The following VWA3A variants were observed in gnomAD, a reference collection of about 807,000 sequenced individuals.
VWA3A encodes the protein von Willebrand factor A domain containing 3A.
Under a neutral mutation model 160.4 loss-of-function variants are expected in VWA3A, and 134 were observed. The ratio of observed to expected loss-of-function variants is 0.84; its 90% CI spans 0.73 to 0.96. The LOEUF is 0.96. Among genes scored for constraint, VWA3A ranks in the 40% least tolerant of loss-of-function variants. The pLI is 0.00. For missense variants in VWA3A, 1,310 were observed against 1,447.9 expected (o/e 0.90, Z 1.55); for synonymous variants, 476 against 543.4 (o/e 0.88, Z 1.72).
At chr16:22,154,520 G>C (rs941290690) in intron 31 of VWA3A, among the ~76,000 whole-genome samples, 4 of 151,156 alleles carry the variant, frequency 2.6e-5, no homozygotes, top group Admixed American at 2.0e-4. Context: ...GTAGAGATGA[G>C]GTTTCATCAT....
At position 22,096,963 on chromosome 16, in the gene VWA3A, ATTTTTTT is replaced by A. The variant is rs397754746; in HGVS notation, c.101+32_101+38del. On this transcript the variant is annotated intron_variant, in intron 2 of 33. Transcript: ENST00000389398. ...AACCATTGGTAAGCATAGTTCTCTGATTTTTTTTTTTTTTTTTTTTGAGGCAGATTCT... is the reference window on the plus strand; with the variant it reads ...AACCATTGGTAAGCATAGTTCTCTGATTTTTTTTTTTTTGAGGCAGATTCT... 9 of 1,079,456 alleles carry A rather than the reference ATTTTTTT, an allele frequency of 8.3e-6. No individual in the cohort carries two copies. The highest frequency in any genetic ancestry group is 1.8e-5 in the African/African-American group (1 of 54,434). 66.9% of individuals were successfully genotyped at this position (1,079,456 alleles called of 1,614,324 possible).
At chr16:22,123,345 A>G in intron 15 of VWA3A, 180 bp downstream of exon 15, 1 of 1,222,574 alleles carries the variant, frequency 8.2e-7, no homozygotes, top group Non-Finnish European at 1.1e-6. Context: ...CAGGGACCTC[A>G]ATGCCTTTAA....
At chr16:22,139,304 G>A (rs917684514) in intron 22 of VWA3A, among the ~76,000 whole-genome samples, 1 of 152,132 alleles carries the variant, frequency 6.6e-6, no homozygotes, top group Non-Finnish European at 1.5e-5. Flanking sequence ...CTTCCTGAGT[G>A]CCTCCTGAAA....
rs893631094 is a variant in VWA3A at position 22,149,720 on chromosome 16, A to G, written c.2985-67A>G. On this transcript the variant is annotated intron_variant, in intron 28 of 33. Transcript: ENST00000389398. ...TAACTTATCTGAATTCAATCTAGAC[A>G]GGCCTGTTCTAACCAATCTCTTTCT... The G allele has an allele frequency of 4.7e-6, 7 of 1,494,574 alleles. No homozygotes were observed. In the African/African-American group the frequency reaches 9.8e-5, roughly 21 times the overall value. The allele number at this position is 1,494,574 out of a possible 1,614,324, so 92.6% of individuals were successfully genotyped here.
chr16:22,124,540 T>C (rs1443263268), intron 16 of VWA3A, among the ~76,000 whole-genome samples: 19 of 117,334 alleles, frequency 1.6e-4, no homozygotes, highest in Non-Finnish European at 2.8e-4. Flanking sequence ...CTATTATTAT[T>C]ATTATTATTA....
Position 22,117,119 on chromosome 16 carries a change from G to A in VWA3A, c.933G>A (p.Leu311=), listed in dbSNP as rs190993595. The A allele has an allele frequency of 3.2e-4, 512 of 1,581,902 alleles. 2 individuals carry two copies. The highest frequency in any genetic ancestry group is 3.9e-4 in the Non-Finnish European group (457 of 1,163,712). The change falls in exon 11 of 34, where the codon CTG becomes CTA. Residue 311 remains leucine, a synonymous_variant. Transcript: ENST00000389398. ...RCDDQMPPAV[L]KNLAEAVRGY... is the part of the protein sequence containing the mutation. The stretch of plus-strand genomic sequence containing the variant: ...TGGCCTCATCCCTGCAGGCTGTCCT[G>A]AAGAACCTTGCAGAAGCTGTTAGGG...
At chr16:22,140,113 A>G in intron 22 of VWA3A, 41 bp from the exon 23 acceptor site, 1 of 1,591,894 alleles carries the variant, frequency 6.3e-7, no homozygotes, top group Non-Finnish European at 8.6e-7. Flanking sequence ...TGCGTGACAC[A>G]GGGAACACTC....
In VWA3A at chr16:22,142,608, G is replaced by A. The variant is rs2046171475; in HGVS notation, c.2495-60G>A. The A allele has an allele frequency of 6.1e-6, 8 of 1,320,604 alleles. No homozygotes were observed. The South Asian group carries it at 8.9e-5, about 15-fold the overall frequency. The allele number at this position is 1,320,604 out of a possible 1,614,324, so 81.8% of individuals were successfully genotyped here. A position where few individuals can be genotyped will look rare whatever the true frequency, so the allele number is the denominator to read the frequency against. On this transcript the variant is annotated intron_variant, in intron 24 of 33. Transcript: ENST00000389398. ...TCCAACACTGGGGATCACATTTCAT[G>A]AGGTTTGCAGGGGCTCAACCATCCA...
chr16:22,119,888 G>A (rs1421886706), intron 12 of VWA3A, among the ~76,000 whole-genome samples: 1 of 151,734 alleles, frequency 6.6e-6, no homozygotes, highest in East Asian at 1.9e-4. Flanking sequence ...CATGGTGGCA[G>A]GCACCTGTAA....
At position 22,115,879 on chromosome 16, in the gene VWA3A, AAGG is replaced by A. The variant is rs1288829437; in HGVS notation, c.815+409_815+411del. Reference sequence around the variant, plus strand: ...GAAGGAAGGAAGGAAGGAAGGAAGGAAGGAAGGAAGGAAGGAAGGAAGGAAGGA... The same window carrying A: ...GAAGGAAGGAAGGAAGGAAGGAAGGAAAGGAAGGAAGGAAGGAAGGAAGGA... On this transcript the variant is annotated intron_variant, in intron 9 of 33. Coordinates refer to ENST00000389398, the MANE Select transcript of VWA3A (RefSeq NM_173615.5). 6.3e-4 allele frequency among the ~76,000 whole-genome samples: 15 copies of A among 23,736 alleles called. No homozygotes were observed. In the East Asian group the frequency reaches 0.043, roughly 68 times the overall value. The allele number at this position is 23,736 out of a possible 152,430, so 15.6% of individuals were successfully genotyped here. A position where few individuals can be genotyped will look rare whatever the true frequency, so the allele number is the denominator to read the frequency against.
At chr16:22,095,275 G>C (rs1176641642) in intron 1 of VWA3A, among the ~76,000 whole-genome samples, 2 of 152,180 alleles carry the variant, frequency 1.3e-5, no homozygotes, top group Non-Finnish European at 2.9e-5. Flanking sequence ...TAGGGTAGGG[G>C]AGAAGAAGAA....
chr16:22,130,447 G>C (rs576438506), intron 17 of VWA3A, among the ~76,000 whole-genome samples: 1 of 152,282 alleles, frequency 6.6e-6, no homozygotes, highest in African/African-American at 2.4e-5. Context: ...CAAAGTCTCA[G>C]AAGAGATGGG....
chr16:22,131,158 A>G, intron 17 of VWA3A, 47 bp from the exon 18 acceptor site: 3 of 1,587,974 alleles, frequency 1.9e-6, no homozygotes, highest in Non-Finnish European at 2.6e-6. Flanking sequence ...TGGGCCACCA[A>G]GTGGACCTCC....
At chr16:22,101,442 T>C (rs1296876552) in intron 5 of VWA3A, among the ~76,000 whole-genome samples, 1 of 152,146 alleles carries the variant, frequency 6.6e-6, no homozygotes, top group Non-Finnish European at 1.5e-5. Flanking sequence ...TATTAGTCCA[T>C]TTTCATGCTG....
intron 9 of VWA3A, 114 bp downstream of exon 9, chr16:22,115,586 C>G (rs1454056362): frequency 1.6e-6 from 2 of 1,221,072 alleles, no homozygotes; most frequent in Non-Finnish European, 2.2e-6. Flanking sequence ...AATCCCAGCA[C>G]TTTGGGAGGC....
chr16:22,142,606 A>G lies in VWA3A; in HGVS notation c.2495-62A>G, dbSNP rs531392230. The G allele has an allele frequency of 1.9e-5, 25 of 1,310,044 alleles. No homozygotes were observed. The South Asian group carries it at 2.7e-4, about 14-fold the overall frequency. The allele number at this position is 1,310,044 out of a possible 1,614,324, so 81.2% of individuals were successfully genotyped here. ...TCTCCAACACTGGGGATCACATTTC[A>G]TGAGGTTTGCAGGGGCTCAACCATC... is the stretch of plus-strand genomic sequence containing the variant. On this transcript the variant is annotated intron_variant, in intron 24 of 33. Transcript: ENST00000389398.
intron 5 of VWA3A, 71 bp downstream of exon 5, chr16:22,100,564 G>A: frequency 6.9e-7 from 1 of 1,450,234 alleles, no homozygotes; most frequent in Non-Finnish European, 9.5e-7. Flanking sequence ...TCCGGGCATG[G>A]TGGCTTATAC....
At position 22,118,935 on chromosome 16, in the gene VWA3A, G is replaced by C; in HGVS notation, c.1024G>C (p.Ala342Pro). Residue 342 changes from alanine to proline, a missense_variant, in exon 12 of 34, where the codon GCA (alanine) becomes CCA (proline). Coordinates refer to ENST00000389398, the MANE Select transcript of VWA3A (RefSeq NM_173615.5). ...YTSRDMDELLAEIQKAQSLLS... is the reference protein window; with the variant it reads ...YTSRDMDELLPEIQKAQSLLS... ...CAGCCGGGACATGGATGAGCTCCTG[G>C]CAGAAATTCAGAAGGCCCAGAGCCT... 1 of 1,613,952 alleles carries C rather than the reference G, an allele frequency of 6.2e-7. No individual in the cohort carries two copies. The highest frequency in any genetic ancestry group is 8.5e-7 in the Non-Finnish European group (1 of 1,179,878).
In VWA3A at chr16:22,117,260, C is replaced by G. The variant is rs371293595; in HGVS notation, c.990+84C>G. On this transcript the variant is annotated intron_variant, in intron 11 of 33. Coordinates refer to ENST00000389398, the MANE Select transcript of VWA3A (RefSeq NM_173615.5). ...TGTACCCAGGAGATCTGGGCCAGGACCATACTATATACTTGTTTCTCCTTT... is the reference window on the plus strand; with the variant it reads ...TGTACCCAGGAGATCTGGGCCAGGAGCATACTATATACTTGTTTCTCCTTT... 45 of 1,396,896 alleles carry G rather than the reference C, an allele frequency of 3.2e-5. 1 individual carries two copies. Among genetic ancestry groups the G allele is most frequent in the South Asian group, 2.9e-4 (23 of 78,578 alleles). 86.5% of individuals were successfully genotyped at this position (1,396,896 alleles called of 1,614,324 possible).
Sources: gnomAD v4.1 joint callset for allele counts (sites outside exome capture counted in the v4.1 genomes callset) on GRCh38, gnomAD v4.1.1 for gene constraint, MANE v1.5 for transcripts, NCBI Gene and HGNC (gene_info 2026-07-23, HGNC 2026-07-21) for gene names.